The following RAPGEF5 variants were observed in gnomAD, a reference collection of about 807,000 sequenced individuals.
RAPGEF5 encodes Rap guanine nucleotide exchange factor 5.
Under a neutral mutation model 125.2 loss-of-function variants are expected in RAPGEF5, and 65 were observed. The ratio of observed to expected loss-of-function variants is 0.52; its 90% CI spans 0.43 to 0.64. The LOEUF (loss-of-function observed/expected upper bound fraction) is 0.64, where lower values mean the gene tolerates loss of function less well. Among genes scored for constraint, RAPGEF5 ranks in the 30% least tolerant of loss-of-function variants. RAPGEF5 has a pLI of 0.00. For missense variants in RAPGEF5, 958 were observed against 1,048.1 expected (o/e 0.91, Z 1.19); for synonymous variants, 391 against 385.9 (o/e 1.01, Z -0.16).
At chr7:22,290,742 C>T (rs1395569135) in intron 6 of RAPGEF5, among the ~76,000 whole-genome samples, 1 of 104,352 alleles carries the variant, frequency 9.6e-6, no homozygotes, top group Admixed American at 1.1e-4. Flanking sequence ...GAGACTCCGT[C>T]TCAAAAAAAA....
At chr7:22,254,792 C>A (rs1434399561) in intron 7 of RAPGEF5, among the ~76,000 whole-genome samples, 1 of 152,002 alleles carries the variant, frequency 6.6e-6, no homozygotes, top group Non-Finnish European at 1.5e-5. Context: ...ACTAGATTAT[C>A]ATAAGGAGCA....
At chr7:22,131,284 T>C (rs528231103) in intron 23 of RAPGEF5, among the ~76,000 whole-genome samples, 183 bp from the exon 24 acceptor site, 1 of 152,276 alleles carries the variant, frequency 6.6e-6, no homozygotes, top group East Asian at 1.9e-4. Flanking sequence ...GCATAATTTA[T>C]GTGTGTGTGT....
At chr7:22,223,898 C>T (rs747956374) in intron 8 of RAPGEF5, among the ~76,000 whole-genome samples, 3 of 152,144 alleles carry the variant, frequency 2.0e-5, no homozygotes, top group Non-Finnish European at 4.4e-5. Context: ...AGGTTACAAG[C>T]ACTGGCAAAC....
intron 8 of RAPGEF5, among the ~76,000 whole-genome samples, chr7:22,225,732 A>G (rs1434596394): frequency 6.6e-6 from 1 of 152,252 alleles, no homozygotes. Flanking sequence ...GTGTAAAATT[A>G]ATTATAAACA....
At chr7:22,242,092 A>G (rs1477163466) in intron 7 of RAPGEF5, among the ~76,000 whole-genome samples, 1 of 152,190 alleles carries the variant, frequency 6.6e-6, no homozygotes, top group Non-Finnish European at 1.5e-5. Flanking sequence ...AAGGGCAGGT[A>G]AAAAGCTATG....
At chr7:22,229,661 T>G (rs929024525) in intron 8 of RAPGEF5, among the ~76,000 whole-genome samples, 14 of 152,232 alleles carry the variant, frequency 9.2e-5, no homozygotes, top group Non-Finnish European at 1.9e-4. Flanking sequence ...AACTACTTAT[T>G]CCATCCAGAG....
At chr7:22,123,268 C>T (rs761900390) in intron 25 of RAPGEF5, among the ~76,000 whole-genome samples, 6 of 152,124 alleles carry the variant, frequency 3.9e-5, no homozygotes, top group Non-Finnish European at 8.8e-5. Context: ...ACCCTGCTAG[C>T]GTCCGTGCTG....
In RAPGEF5 at chr7:22,350,920, A is replaced by C. The variant is rs564732411; in HGVS notation, c.231+5910T>G. Among the ~76,000 whole-genome samples the C allele has an allele frequency of 1.1e-4, 17 of 152,266 alleles. No homozygotes were observed. In the East Asian group the frequency reaches 3.3e-3, roughly 29 times the overall value. On this transcript the variant is annotated intron_variant, in intron 1 of 25. Transcript: ENST00000665637. ...AGCAAGCAGAGGCAGTGAAGTCAAT[A>C]TTTCTCAAATAAGTTCACTATGTGT...
At chr7:22,209,620 C>T (rs1262748653) in intron 9 of RAPGEF5, among the ~76,000 whole-genome samples, 1 of 152,134 alleles carries the variant, frequency 6.6e-6, no homozygotes, top group Non-Finnish European at 1.5e-5. Flanking sequence ...ACTGAATGAT[C>T]CCATTTATTT....
At chr7:22,205,969 T>C (rs903873514) in intron 9 of RAPGEF5, among the ~76,000 whole-genome samples, 1 of 152,202 alleles carries the variant, frequency 6.6e-6, no homozygotes, top group Non-Finnish European at 1.5e-5. Flanking sequence ...ATTCTTGGCA[T>C]TGATAGACAT....
intron 9 of RAPGEF5, among the ~76,000 whole-genome samples, chr7:22,197,848 G>A (rs1785182726): frequency 6.7e-6 from 1 of 148,972 alleles, no homozygotes; most frequent in East Asian, 2.0e-4. Flanking sequence ...ATTTTAAAGT[G>A]GAGGTTTAGA....
chr7:22,291,801 A>G (rs1448739545), intron 5 of RAPGEF5, among the ~76,000 whole-genome samples: 1 of 152,230 alleles, frequency 6.6e-6, no homozygotes, highest in Non-Finnish European at 1.5e-5. Flanking sequence ...TAAGAAGCTA[A>G]GAATATTATG....
chr7:22,189,808 A>G (rs957669660), intron 11 of RAPGEF5, among the ~76,000 whole-genome samples: 1 of 152,258 alleles, frequency 6.6e-6, no homozygotes, highest in Admixed American at 6.5e-5. Context: ...AATTTAGATG[A>G]CAATGAATTT....
chr7:22,231,678 C>A (rs943853517), intron 7 of RAPGEF5, among the ~76,000 whole-genome samples: 1 of 151,872 alleles, frequency 6.6e-6, no homozygotes, highest in South Asian at 2.1e-4. Context: ...ACATTCAACA[C>A]CAAAATGTAT....
At chr7:22,344,279 G>C (rs1187097339) in intron 1 of RAPGEF5, among the ~76,000 whole-genome samples, 5 of 151,978 alleles carry the variant, frequency 3.3e-5, no homozygotes, top group Non-Finnish European at 7.4e-5. Context: ...TCTTACCTGG[G>C]CTCCTCCATC....
chr7:22,233,271 A>C (rs1786103710), intron 7 of RAPGEF5, among the ~76,000 whole-genome samples: 1 of 152,250 alleles, frequency 6.6e-6, no homozygotes. Context: ...GGGCAAGCTG[A>C]TCATATACTA....
chr7:22,350,186 T>C (rs971245255), intron 1 of RAPGEF5, among the ~76,000 whole-genome samples: 3 of 152,190 alleles, frequency 2.0e-5, no homozygotes, highest in African/African-American at 7.2e-5. Flanking sequence ...TCAAAGTCAC[T>C]ACCAATGACT....
intron 5 of RAPGEF5, among the ~76,000 whole-genome samples, chr7:22,294,706 T>C (rs1783018779): frequency 6.6e-6 from 1 of 152,160 alleles, no homozygotes; most frequent in Admixed American, 6.6e-5. Flanking sequence ...CTACTGGCTC[T>C]TCAAGACATA....
Position 22,125,656 on chromosome 7 carries a change from A to G in RAPGEF5, c.2484T>C (p.His828=). ...LDNLVNFEKL[H]MIADTVRTLR... ...GGGTTCGGACAGTGTCTGCGATCAT[A>G]TGCTGTAAAGTAGAACAGGAAACAC... The change falls in exon 25 of 26, where the codon CAT becomes CAC. Residue 828 remains histidine (H), a splice_region_variant and synonymous_variant. Transcript: ENST00000665637. 1 of 1,610,092 alleles carries G rather than the reference A, an allele frequency of 6.2e-7. No individual in the cohort carries two copies.
Sources: gnomAD v4.1 joint callset for allele counts (sites outside exome capture counted in the v4.1 genomes callset) on GRCh38, gnomAD v4.1.1 for gene constraint, MANE v1.5 for transcripts, NCBI Gene and HGNC (gene_info 2026-07-23, HGNC 2026-07-21) for gene names.